AAR2: variants seen among roughly 807,000 people sequenced by gnomAD.
The protein encoded by AAR2 is AAR2 splicing factor.
AAR2 carries 31 observed loss-of-function variants against 26.9 expected under a neutral mutation model. That is an observed-to-expected ratio of 1.15 (90% CI 0.86 to 1.55). The LOEUF (loss-of-function observed/expected upper bound fraction) is 1.55. Ranked by LOEUF, AAR2 falls within the 40% of genes most tolerant of loss-of-function variation. AAR2 has a pLI of 0.00. For synonymous variants in AAR2, 188 were observed against 196.1 expected (o/e 0.96, Z 0.34); for missense variants, 430 against 491.3 (o/e 0.88, Z 1.18).
At chr20:36,250,189 A>G (rs969430195) in intron 3 of AAR2, among the ~76,000 whole-genome samples, 1 of 152,262 alleles carries the variant, frequency 6.6e-6, no homozygotes, top group South Asian at 2.1e-4. Context: ...ATGTGTGACT[A>G]AAGTAATTTA....
intron 3 of AAR2, among the ~76,000 whole-genome samples, chr20:36,253,976 C>T (rs2064800109): frequency 6.6e-6 from 1 of 152,104 alleles, no homozygotes; most frequent in African/African-American, 2.4e-5. Context: ...GAAATGAGAA[C>T]CTTTGTGCAT....
In AAR2 at chr20:36,242,884, G is replaced by T. The variant is rs75889916; in HGVS notation, c.758-1813G>T. Among the ~76,000 whole-genome samples the T allele has an allele frequency of 6.5e-3, 919 of 140,668 alleles. 8 individuals are homozygous for T. Among genetic ancestry groups the T allele is most frequent in the African/African-American group, 0.023 (870 of 37,698 alleles). The allele number at this position is 140,668 out of a possible 152,430, so 92.3% of individuals were successfully genotyped here. A position where few individuals can be genotyped will look rare whatever the true frequency, so the allele number is the denominator to read the frequency against. The stretch of plus-strand genomic sequence containing the variant: ...TTTTTTTTTTTTTTTTTGAGACAAG[G>T]TCTCACTCTGTGACATGGGCTGGAG... On this transcript the variant is annotated intron_variant, in intron 2 of 3. Coordinates refer to ENST00000320849, the MANE Select transcript of AAR2 (RefSeq NM_001271874.2).
intron 3 of AAR2, among the ~76,000 whole-genome samples, chr20:36,247,189 A>G (rs1245659386): frequency 6.6e-6 from 1 of 152,236 alleles, no homozygotes; most frequent in Non-Finnish European, 1.5e-5. Context: ...AACTAACCAA[A>G]TAGCAGTAAG....
chr20:36,241,128 A>G (rs1245073918), intron 2 of AAR2, among the ~76,000 whole-genome samples: 3 of 152,190 alleles, frequency 2.0e-5, no homozygotes, highest in Admixed American at 6.5e-5. Flanking sequence ...CAAAAATGAT[A>G]GATAATAATC....
chr20:36,242,059 A>AT (rs2064685991), intron 2 of AAR2, among the ~76,000 whole-genome samples: 1 of 148,854 alleles, frequency 6.7e-6, no homozygotes, highest in African/African-American at 2.5e-5. Flanking sequence ...TTGAACAGCT[A>AT]TTTTTATATA....
chr20:36,253,225 AGGACGCCT>A (rs1174498958), intron 3 of AAR2, among the ~76,000 whole-genome samples: 1 of 152,196 alleles, frequency 6.6e-6, no homozygotes, highest in African/African-American at 2.4e-5. Flanking sequence ...TCAGCTGCAG[AGGACGCCT>A]GTTGCCTTTG....
chr20:36,245,054 A>G (rs1206323326), intron 3 of AAR2, 128 bp downstream of exon 3: 2 of 827,280 alleles, frequency 2.4e-6, no homozygotes, highest in Non-Finnish European at 3.8e-6. Flanking sequence ...GTCTTGGGAT[A>G]TTTCCTGCTT....
intron 3 of AAR2, 85 bp downstream of exon 3, chr20:36,245,011 A>G (rs1601179794): frequency 1.4e-5 from 17 of 1,254,050 alleles, no homozygotes; most frequent in Non-Finnish European, 1.4e-5. Context: ...CTATTCTTCC[A>G]TGACCCCAAA....
At chr20:36,242,762 A>G (rs1028591485) in intron 2 of AAR2, among the ~76,000 whole-genome samples, 3 of 152,152 alleles carry the variant, frequency 2.0e-5, no homozygotes, top group Admixed American at 1.3e-4. Context: ...TGGCTTAAAA[A>G]TGAATAGAAA....
chr20:36,244,903 A>T lies in AAR2; in HGVS notation c.964A>T (p.Asn322Tyr). ...DFFVDIVSQD[N>Y]FLTSTLQVFF... ...CTTCGTAGACATTGTCTCCCAAGAC[A>T]ACTTCCTCACCAGCACCTTACAGGT... is the stretch of plus-strand genomic sequence containing the variant. The change falls in exon 3 of 4, where the codon AAC (asparagine) becomes TAC (tyrosine). Residue 322 changes from asparagine to tyrosine, a missense_variant. Coordinates refer to ENST00000320849, the MANE Select transcript of AAR2 (RefSeq NM_001271874.2). 1.2e-6 allele frequency: 2 copies of T among 1,614,148 alleles called. No homozygotes were observed. The highest frequency in any genetic ancestry group is 1.7e-6 in the Non-Finnish European group (2 of 1,179,980).
intron 3 of AAR2, among the ~76,000 whole-genome samples, chr20:36,245,381 T>C (rs755801478): frequency 2.4e-4 from 37 of 152,236 alleles, no homozygotes; most frequent in Non-Finnish European, 3.7e-4. Flanking sequence ...AGAGATTCTA[T>C]GACAGAAAAA....
At chr20:36,239,379 G>GT (rs1433416779) in intron 1 of AAR2, among the ~76,000 whole-genome samples, 4 of 152,204 alleles carry the variant, frequency 2.6e-5, no homozygotes, top group African/African-American at 7.2e-5. Flanking sequence ...TTTTGGGATA[G>GT]TTTTTTGGCA....
intron 1 of AAR2, among the ~76,000 whole-genome samples, chr20:36,239,302 C>A (rs1455959724): frequency 6.6e-6 from 1 of 152,230 alleles, no homozygotes; most frequent in Non-Finnish European, 1.5e-5. Flanking sequence ...TACCGTCTGT[C>A]CATTTCTGGG....
chr20:36,244,658 C>G, intron 2 of AAR2, 39 bp from the exon 3 acceptor site: 1 of 1,596,934 alleles, frequency 6.3e-7, no homozygotes, highest in Non-Finnish European at 8.6e-7. Flanking sequence ...GCTGGTCCTC[C>G]TCTCCCTCAG....
chr20:36,238,814 A>G (rs938075527), intron 1 of AAR2, among the ~76,000 whole-genome samples: 5 of 152,026 alleles, frequency 3.3e-5, no homozygotes, highest in Non-Finnish European at 7.4e-5. Flanking sequence ...CTGTGTGTGA[A>G]ATTTTGACGT....
intron 2 of AAR2, among the ~76,000 whole-genome samples, chr20:36,241,264 TTATTTC>T (rs770066914): frequency 6.6e-5 from 10 of 152,368 alleles, no homozygotes; most frequent in South Asian, 2.1e-4. Context: ...TCTTCTCTGT[TTATTTC>T]TATGTACTTC....
At position 36,237,200 on chromosome 20, in the gene AAR2, C is replaced by T. The variant is rs968778238; in HGVS notation, c.-49+697C>T. On this transcript the variant is annotated intron_variant, in intron 1 of 3. Transcript: ENST00000320849. ...GTGTGACACAAGCTAAAGGGGTTGC[C>T]AGGAGTCAGACCGTGCAGGCTTTGT... is the stretch of plus-strand genomic sequence containing the variant. Among the ~76,000 whole-genome samples the T allele has an allele frequency of 1.6e-4, 25 of 152,178 alleles. No homozygotes were observed. The South Asian group carries it at 1.7e-3, about 10-fold the overall frequency.
chr20:36,248,887 T>TC (rs1175094206), intron 3 of AAR2, among the ~76,000 whole-genome samples: 2 of 152,130 alleles, frequency 1.3e-5, no homozygotes, highest in African/African-American at 4.8e-5. Flanking sequence ...TAAAACTTTT[T>TC]TTTTTTTTTT....
chr20:36,252,793 A>T (rs1212249207), intron 3 of AAR2, among the ~76,000 whole-genome samples: 2 of 152,084 alleles, frequency 1.3e-5, no homozygotes, highest in Non-Finnish European at 2.9e-5. Context: ...ACCTCTGGGG[A>T]TGGCCTCATG....
Sources: gnomAD v4.1 joint callset for allele counts (sites outside exome capture counted in the v4.1 genomes callset) on GRCh38, gnomAD v4.1.1 for gene constraint, MANE v1.5 for transcripts, NCBI Gene and HGNC (gene_info 2026-07-23, HGNC 2026-07-21) for gene names.